CHST9: variants seen among roughly 807,000 people sequenced by gnomAD.
CHST9 encodes the protein carbohydrate sulfotransferase 9.
Under a neutral mutation model 44.4 loss-of-function variants are expected in CHST9, and 41 were observed. The ratio of observed to expected loss-of-function variants is 0.92; its 90% confidence interval spans 0.72 to 1.20. The LOEUF (loss-of-function observed/expected upper bound fraction) is 1.20, where lower values mean the gene tolerates loss of function less well. CHST9 is among the 50% of genes most tolerant of loss of function. The pLI is 0.00. For missense variants in CHST9, 504 were observed against 516.5 expected (o/e 0.98, Z 0.23); for synonymous variants, 171 against 178.4 (o/e 0.96, Z 0.33).
rs57437876 is a variant in CHST9 at position 27,014,453 on chromosome 18, C to CA, written c.202+9662dup. 5.5e-3 allele frequency among the ~76,000 whole-genome samples: 215 copies of CA among 39,432 alleles called. 39 individuals are homozygous for CA. Among genetic ancestry groups the CA allele is most frequent in the Non-Finnish European group, 6.6e-3 (159 of 24,028 alleles). The allele number at this position is 39,432 out of a possible 152,430, so 25.9% of individuals were successfully genotyped here. ...TGGGCGACAGAGCGAGACTCTGTCT[C>CA]AAAAAAAAAAAAAAAAAAAAAAAAA... On this transcript the variant is annotated intron_variant, in intron 4 of 5. Transcript: ENST00000618847.
chr18:26,950,771 G>T (rs2056235299), intron 4 of CHST9, among the ~76,000 whole-genome samples: 1 of 152,158 alleles, frequency 6.6e-6, no homozygotes, highest in Non-Finnish European at 1.5e-5. Context: ...GGGGTACCGT[G>T]CACACTGCTT....
intron 2 of CHST9, among the ~76,000 whole-genome samples, chr18:27,067,451 G>A (rs772257225): frequency 6.6e-6 from 1 of 151,784 alleles, no homozygotes. Context: ...AAAGAAAAAA[G>A]TAAAATAAAT....
chr18:26,965,110 T>C (rs2056447899), intron 4 of CHST9, among the ~76,000 whole-genome samples: 2 of 152,210 alleles, frequency 1.3e-5, no homozygotes, highest in African/African-American at 4.8e-5. Flanking sequence ...TACAACTGAA[T>C]GCATTCCCAA....
intron 4 of CHST9, among the ~76,000 whole-genome samples, chr18:26,968,064 A>T (rs893360803): frequency 1.3e-5 from 2 of 152,042 alleles, no homozygotes; most frequent in African/African-American, 2.4e-5. Flanking sequence ...AGCTTTGGGG[A>T]CTTTGGATCT....
At chr18:27,141,591 CAAAAAAAAAAAA>C (rs34920055) in intron 2 of CHST9, among the ~76,000 whole-genome samples, 737 of 50,234 alleles carry the variant, frequency 0.015, 11 homozygotes, top group Non-Finnish European at 0.021. Flanking sequence ...AATCCCGACT[CAAAAAAAAAAAA>C]AAAAAAAAAA....
intron 5 of CHST9, among the ~76,000 whole-genome samples, chr18:26,938,317 C>T (rs2056029629): frequency 6.6e-6 from 1 of 152,122 alleles, no homozygotes. Flanking sequence ...CTTTGTTAAC[C>T]ACCATTAGTG....
chr18:27,090,332 G>A (rs1568168154), intron 2 of CHST9, among the ~76,000 whole-genome samples: 2 of 151,992 alleles, frequency 1.3e-5, no homozygotes, highest in East Asian at 3.9e-4. Context: ...GTTCTTTGTA[G>A]GTTCTGGATA....
chr18:27,054,500 G>C (rs2057628719), intron 2 of CHST9, among the ~76,000 whole-genome samples: 1 of 152,040 alleles, frequency 6.6e-6, no homozygotes, highest in Admixed American at 6.6e-5. Flanking sequence ...TTATTTAATT[G>C]AACACTAAAG....
chr18:27,142,031 G>A (rs1308076194), intron 2 of CHST9, among the ~76,000 whole-genome samples: 1 of 152,130 alleles, frequency 6.6e-6, no homozygotes, highest in African/African-American at 2.4e-5. Flanking sequence ...AGCACAGCAG[G>A]GATCAGTAAA....
At chr18:26,972,751 A>G (rs1182092476) in intron 4 of CHST9, among the ~76,000 whole-genome samples, 1 of 152,186 alleles carries the variant, frequency 6.6e-6, no homozygotes, top group Non-Finnish European at 1.5e-5. Flanking sequence ...CAAGACAGTG[A>G]TCCAGATGAG....
chr18:26,941,940 C>A (rs142014667), intron 5 of CHST9, among the ~76,000 whole-genome samples: 146 of 152,250 alleles, frequency 9.6e-4, no homozygotes, highest in African/African-American at 3.2e-3. Flanking sequence ...TGGTGAGAAA[C>A]TCATAGCCTG....
chr18:26,941,572 A>G (rs1046779058), intron 5 of CHST9, among the ~76,000 whole-genome samples: 2 of 151,976 alleles, frequency 1.3e-5, no homozygotes, highest in Middle Eastern at 3.2e-3. Flanking sequence ...AGAAGATTTC[A>G]TCTCTACAAG....
chr18:27,116,011 A>C (rs2143795268), intron 2 of CHST9, among the ~76,000 whole-genome samples: 1 of 152,182 alleles, frequency 6.6e-6, no homozygotes, highest in South Asian at 2.1e-4. Flanking sequence ...TTGAGTTGTA[A>C]GTGTTCCTTG....
At chr18:26,936,068 T>C (rs2055985298) in intron 5 of CHST9, 1 of 152,188 alleles carries the variant, frequency 6.6e-6, no homozygotes, top group South Asian at 2.1e-4. Flanking sequence ...AATGCAGACA[T>C]ACGCAAAAGG....
intron 2 of CHST9, among the ~76,000 whole-genome samples, chr18:27,124,040 T>C (rs113761343): frequency 7.2e-5 from 11 of 152,330 alleles, no homozygotes; most frequent in African/African-American, 2.2e-4. Context: ...ACACAATTCT[T>C]TGAAGTTAAT....
At chr18:27,146,854 A>G (rs1053076094) in intron 1 of CHST9, among the ~76,000 whole-genome samples, 6 of 152,198 alleles carry the variant, frequency 3.9e-5, no homozygotes, top group Non-Finnish European at 5.9e-5. Flanking sequence ...TTTCATTTGC[A>G]TATCTTTTTA....
At chr18:26,980,306 G>T (rs1203573949) in intron 4 of CHST9, among the ~76,000 whole-genome samples, 4 of 152,140 alleles carry the variant, frequency 2.6e-5, no homozygotes, top group African/African-American at 9.7e-5. Flanking sequence ...GCGCCTAGAA[G>T]TGTAACAGAT....
chr18:27,095,064 A>C (rs1366227541), intron 2 of CHST9, among the ~76,000 whole-genome samples: 1 of 152,204 alleles, frequency 6.6e-6, no homozygotes, highest in South Asian at 2.1e-4. Flanking sequence ...ATCCCCTTCA[A>C]AATGAGGTAG....
intron 1 of CHST9, among the ~76,000 whole-genome samples, chr18:27,162,142 C>A (rs1471557570): frequency 2.0e-5 from 3 of 152,108 alleles, no homozygotes; most frequent in East Asian, 1.9e-4. Context: ...TGAATTTGAT[C>A]CTGTAATTAT....
Sources: gnomAD v4.1 joint callset for allele counts (sites outside exome capture counted in the v4.1 genomes callset) on GRCh38, gnomAD v4.1.1 for gene constraint, MANE v1.5 for transcripts, NCBI Gene and HGNC (gene_info 2026-07-23, HGNC 2026-07-21) for gene names.